The following KATNAL1 variants were observed in gnomAD, a reference collection of about 807,000 sequenced individuals.
KATNAL1 encodes the protein katanin p60 ATPase-containing subunit A-like 1.
KATNAL1 carries 32 observed loss-of-function variants against 55.2 expected under a neutral mutation model. The ratio of observed to expected loss-of-function variants is 0.58; its 90% CI spans 0.44 to 0.78. The LOEUF (loss-of-function observed/expected upper bound fraction) is 0.78, where lower values mean the gene tolerates loss of function less well. KATNAL1 is among the 30% of genes least tolerant of loss of function. KATNAL1 has a pLI of 0.00. For synonymous variants in KATNAL1, 193 were observed against 193.6 expected (o/e 1.00, Z 0.02); for missense variants, 466 against 600.9 (o/e 0.78, Z 2.35).
At chr13:30,270,919 TAATAA>T (rs987070911) in intron 3 of KATNAL1, among the ~76,000 whole-genome samples, 7 of 144,224 alleles carry the variant, frequency 4.9e-5, no homozygotes, top group African/African-American at 1.8e-4. Flanking sequence ...AAACAAAAAA[TAATAA>T]AATAAAAAAA....
chr13:30,301,985 C>T (rs1472218096), intron 1 of KATNAL1, among the ~76,000 whole-genome samples: 2 of 152,194 alleles, frequency 1.3e-5, no homozygotes, highest in Admixed American at 1.3e-4. Flanking sequence ...AATCCTCCCA[C>T]CTCAGCCTCC....
rs549863865 is a variant in KATNAL1 at position 30,283,778 on chromosome 13, C to G, written c.-1G>C. On this transcript the variant is annotated 5_prime_UTR_variant, in exon 2 of 11. Coordinates refer to ENST00000380615, the MANE Select transcript of KATNAL1 (RefSeq NM_032116.5). Reference sequence around the variant, plus strand: ...TATCACAAATCTCAGCCAAATTCATCTTCTTTCAGAGACCTAAACATAAAA... The same window carrying G: ...TATCACAAATCTCAGCCAAATTCATGTTCTTTCAGAGACCTAAACATAAAA... 4 of 1,606,722 alleles carry G rather than the reference C, an allele frequency of 2.5e-6. No homozygotes were observed. Among genetic ancestry groups the G allele is most frequent in the Non-Finnish European group, 3.4e-6 (4 of 1,175,930 alleles).
chr13:30,255,468 T>A lies in KATNAL1; in HGVS notation c.471A>T (p.Arg157Ser). Residue 157 changes from arginine (R) to serine (S), a missense_variant, in exon 4 of 11, where the codon AGA becomes AGT. Arg to Ser is a moderately radical substitution (Grantham distance 110). Transcript: ENST00000380615. ...TTGCCTTGTCATCTCTCCCTCTTGC[T>A]CTATAGTCCTTGTCCCTACTTGTAG... ...KPSTSRDKDYRARGRDDKGRK... is the reference protein window; with the variant it reads ...KPSTSRDKDYSARGRDDKGRK... The A allele has an allele frequency of 6.4e-7, 1 of 1,568,604 alleles. No individual in the cohort carries two copies. The highest frequency in any genetic ancestry group is 2.4e-5 in the East Asian group (1 of 41,644).
At chr13:30,281,874 C>T (rs1480267465) in intron 2 of KATNAL1, 1 of 152,128 alleles carries the variant, frequency 6.6e-6, no homozygotes, top group African/African-American at 2.4e-5. Flanking sequence ...ATTTTTTTTA[C>T]TTAACGTTTT....
intron 4 of KATNAL1, among the ~76,000 whole-genome samples, chr13:30,248,185 A>G (rs1877968255): frequency 6.6e-6 from 1 of 152,220 alleles, no homozygotes; most frequent in African/African-American, 2.4e-5. Flanking sequence ...ATAAGAGGTT[A>G]AAATATTTGA....
At chr13:30,267,786 G>C (rs1161745243) in intron 3 of KATNAL1, among the ~76,000 whole-genome samples, 1 of 152,104 alleles carries the variant, frequency 6.6e-6, no homozygotes, top group African/African-American at 2.4e-5. Context: ...AAGAGAGAGA[G>C]AGAAATAGAA....
intron 3 of KATNAL1, among the ~76,000 whole-genome samples, chr13:30,271,491 G>A (rs1223231201): frequency 6.6e-6 from 1 of 152,148 alleles, no homozygotes; most frequent in Non-Finnish European, 1.5e-5. Context: ...CATGGCCAGA[G>A]CAGCAAGAGG....
At chr13:30,296,420 AAGGAGGG>A (rs1218836067) in intron 1 of KATNAL1, 8 of 910,374 alleles carry the variant, frequency 8.8e-6, no homozygotes, top group Non-Finnish European at 1.4e-5. Flanking sequence ...CATCCCCCGG[AAGGAGGG>A]AGGCTTGGGC....
chr13:30,231,874 C>T (rs924401848), intron 6 of KATNAL1, among the ~76,000 whole-genome samples: 1 of 152,004 alleles, frequency 6.6e-6, no homozygotes, highest in Admixed American at 6.6e-5. Flanking sequence ...CATTCTTTAC[C>T]CTCTATAAGG....
At chr13:30,278,616 T>A (rs2137526659) in intron 3 of KATNAL1, among the ~76,000 whole-genome samples, 1 of 152,346 alleles carries the variant, frequency 6.6e-6, no homozygotes, top group South Asian at 2.1e-4. Context: ...TGAATCATGG[T>A]GCTCTAGCAA....
chr13:30,225,789 A>G lies in KATNAL1; in HGVS notation c.1147+1623T>C, dbSNP rs957264512. ...AGACAAGATTTCTTAAGACACAAAA[A>G]GTACTATTCATTAAAAAAAATTGTC... On this transcript the variant is annotated intron_variant, in intron 9 of 10. Transcript: ENST00000380615. Among the ~76,000 whole-genome samples the G allele has an allele frequency of 3.3e-5, 5 of 152,274 alleles. No individual in the cohort carries two copies. The East Asian group carries it at 9.6e-4, about 29-fold the overall frequency.
intron 4 of KATNAL1, among the ~76,000 whole-genome samples, chr13:30,253,331 A>G (rs907150411): frequency 6.6e-6 from 1 of 152,304 alleles, no homozygotes; most frequent in Non-Finnish European, 1.5e-5. Context: ...CTTTTCTTAC[A>G]TAAAAGGGTT....
chr13:30,252,609 G>T (rs1182204239), intron 4 of KATNAL1, among the ~76,000 whole-genome samples: 2 of 152,082 alleles, frequency 1.3e-5, no homozygotes, highest in African/African-American at 4.8e-5. Context: ...GCAATAAACT[G>T]AGTTTTCTGT....
At chr13:30,271,878 G>GAAAAAAAAAAAAAAAAAAGAA (rs1880393574) in intron 3 of KATNAL1, among the ~76,000 whole-genome samples, 1 of 76,792 alleles carries the variant, frequency 1.3e-5, no homozygotes. Flanking sequence ...AAGAAAAGAG[G>GAAAAAAAAAAAAAAAAAAGAA]AAAAAAAAAA....
At chr13:30,274,880 T>A (rs1295039200) in intron 3 of KATNAL1, among the ~76,000 whole-genome samples, 2 of 138,170 alleles carry the variant, frequency 1.4e-5, no homozygotes, top group Non-Finnish European at 3.1e-5. Context: ...GCGGGGTGTG[T>A]GCACACACAT....
At chr13:30,252,607 CTG>C (rs1292345843) in intron 4 of KATNAL1, among the ~76,000 whole-genome samples, 1 of 152,142 alleles carries the variant, frequency 6.6e-6, no homozygotes, top group Non-Finnish European at 1.5e-5. Context: ...GGGCAATAAA[CTG>C]AGTTTTCTGT....
At chr13:30,263,171 G>C (rs371941455) in intron 3 of KATNAL1, among the ~76,000 whole-genome samples, 5,931 of 151,760 alleles carry the variant, frequency 0.039, 150 homozygotes, top group African/African-American at 0.067. Context: ...ATTCAACAAC[G>C]CTTCATGCTA....
intron 8 of KATNAL1, 70 bp from the exon 9 acceptor site, chr13:30,227,616 T>C: frequency 6.5e-7 from 1 of 1,533,914 alleles, no homozygotes; most frequent in Non-Finnish European, 8.9e-7. Flanking sequence ...CAATTAACAT[T>C]TCTTTTAGCC....
At chr13:30,304,468 C>T (rs926750669) in intron 1 of KATNAL1, among the ~76,000 whole-genome samples, 12 of 151,840 alleles carry the variant, frequency 7.9e-5, no homozygotes, top group African/African-American at 2.7e-4. Flanking sequence ...CGAGGTTTCA[C>T]CATCTTGGCC....
Sources: gnomAD v4.1 joint callset for allele counts (sites outside exome capture counted in the v4.1 genomes callset) on GRCh38, gnomAD v4.1.1 for gene constraint, MANE v1.5 for transcripts, NCBI Gene and HGNC (gene_info 2026-07-23, HGNC 2026-07-21) for gene names.